Variants in RUVBL1 observed in about 807,000 individuals in gnomAD.
RUVBL1 encodes RuvB like AAA ATPase 1, also known as ruvB-like 1.
In RUVBL1, 4 loss-of-function variants were observed where a neutral mutation model predicts 52.4. The observed-to-expected ratio is 0.08, with a 90% CI of 0.04 to 0.17. The LOEUF (loss-of-function observed/expected upper bound fraction) is 0.17. Ranked by LOEUF, RUVBL1 falls within the 10% of genes least tolerant of loss-of-function variation. RUVBL1 has a pLI of 1.00. For synonymous variants in RUVBL1, 217 were observed against 214.4 expected (o/e 1.01, Z -0.10); for missense variants, 298 against 572.8 (o/e 0.52, Z 4.90).
rs1942475726 is a variant in RUVBL1 at position 128,081,526 on chromosome 3, C to T, written c.1212-117G>A. ...AGCAGAGCCCAGTGCTGGGCTTGTG[C>T]CAGCTGCTACGAACACAGAAAAGGG... On this transcript the variant is annotated intron_variant, in intron 10 of 10. Transcript: ENST00000322623. This position sits in a 1 kb window ranked among gnomAD's most constrained non-coding sequence, Gnocchi z 4.8. The T allele has an allele frequency of 6.7e-6, 7 of 1,042,050 alleles. 1 individual carries two copies. In the Admixed American group the frequency reaches 1.1e-4, roughly 17 times the overall value. The allele number at this position is 1,042,050 out of a possible 1,614,324, so 64.6% of individuals were successfully genotyped here. A position where few individuals can be genotyped will look rare whatever the true frequency, so the allele number is the denominator to read the frequency against.
At position 128,150,795 on chromosome 3, in the gene RUVBL1, ATATTATATAT is replaced by A. The variant is rs1215212011; in HGVS notation, c.-40+2398_-40+2407del. 7.9e-4 allele frequency among the ~76,000 whole-genome samples: 63 copies of A among 79,494 alleles called. 1 individual carries two copies. Among genetic ancestry groups the A allele is most frequent in the African/African-American group, 2.9e-3 (61 of 20,982 alleles). The allele number at this position is 79,494 out of a possible 152,430, so 52.2% of individuals were successfully genotyped here. A position where few individuals can be genotyped will look rare whatever the true frequency, so the allele number is the denominator to read the frequency against. On this transcript the variant is annotated intron_variant, in intron 1 of 9. Coordinates refer to the RUVBL1 transcript ENST00000464873. ...ATTATATATTCTATATATATTCTATATATTATATATTCTATATATTATATATTCTATATAT... is the reference window on the plus strand; with the variant it reads ...ATTATATATTCTATATATATTCTATATCTATATATTATATATTCTATATAT...
chr3:128,128,096 GA>G (rs1301788502), upstream of RUVBL1, among the ~76,000 whole-genome samples: 49 of 152,088 alleles, frequency 3.2e-4, 1 homozygote, highest in Non-Finnish European at 1.5e-5. Context: ...GGCTTCAAGT[GA>G]TCCTCCCATC....
At chr3:128,079,793 G>A (rs904361324), downstream of RUVBL1, among the ~76,000 whole-genome samples, 6 of 152,214 alleles carry the variant, frequency 3.9e-5, no homozygotes, top group East Asian at 9.6e-4. Flanking sequence ...CATGACTACA[G>A]GGGACTGTCC....
At chr3:128,147,104 C>T (rs577201136) in intron 1 of RUVBL1, among the ~76,000 whole-genome samples, 3 of 152,316 alleles carry the variant, frequency 2.0e-5, no homozygotes, top group African/African-American at 7.2e-5. Flanking sequence ...CAAGGTTTTG[C>T]TCTGTTGCCC....
intron 8 of RUVBL1, among the ~76,000 whole-genome samples, chr3:128,090,467 C>T (rs972473043): frequency 1.3e-5 from 2 of 152,110 alleles, no homozygotes; most frequent in South Asian, 4.1e-4. Context: ...TGCAGTGTAC[C>T]GAGATCGTGT....
chr3:128,153,486 T>A (rs1432556847), exon 1 of RUVBL1: 2 of 1,460,558 alleles, frequency 1.4e-6, no homozygotes, highest in Admixed American at 4.8e-5. Flanking sequence ...GCCGGGCGGG[T>A]GTCCGAGGCG....
At chr3:128,131,356 G>A (rs1258598557) in intron 1 of RUVBL1, among the ~76,000 whole-genome samples, 1 of 152,144 alleles carries the variant, frequency 6.6e-6, no homozygotes, top group Non-Finnish European at 1.5e-5. Flanking sequence ...GCATGTGCCT[G>A]TAATCCCAGT....
intron 3 of RUVBL1, among the ~76,000 whole-genome samples, chr3:128,108,696 A>G (rs906980458): frequency 2.6e-4 from 38 of 144,440 alleles, no homozygotes; most frequent in African/African-American, 9.1e-4. Context: ...ACCTTGTCTC[A>G]ATTAAAAAAA....
At chr3:128,072,636 A>G (rs1324259454) in intron 9 of RUVBL1, among the ~76,000 whole-genome samples, 1 of 152,196 alleles carries the variant, frequency 6.6e-6, no homozygotes, top group Non-Finnish European at 1.5e-5. Context: ...GGACAGGAGC[A>G]CAGCACGTGG....
At chr3:128,077,103 G>A (rs1314160586), downstream of RUVBL1, among the ~76,000 whole-genome samples, 3 of 151,824 alleles carry the variant, frequency 2.0e-5, no homozygotes, top group Non-Finnish European at 2.9e-5. Flanking sequence ...GTCAGCGCGG[G>A]CCGGGCCGGC....
rs6807984 is a variant in RUVBL1, at chr3:128,075,548, G to A, written c.940-10328C>T. Among the ~76,000 whole-genome samples, 52 of 152,194 alleles carry A rather than the reference G, an allele frequency of 3.4e-4. 1 individual carries two copies. The South Asian group carries it at 0.011, about 32-fold the overall frequency. The stretch of plus-strand genomic sequence containing the variant: ...TCCCCGCATGCACGGGGGGACACAC[G>A]CCTTCCTCCCTGCCTGCCGGGACTT... On this transcript the variant is annotated intron_variant, in intron 9 of 9. Coordinates refer to the RUVBL1 transcript ENST00000464873.
At chr3:128,153,409 G>C in exon 1 of RUVBL1, 1 of 1,416,340 alleles carries the variant, frequency 7.1e-7, no homozygotes, top group Non-Finnish European at 9.1e-7. Flanking sequence ...TGTGCACAGC[G>C]CGCCGGTTAC....
chr3:128,143,892 AG>A (rs1944066836), intron 1 of RUVBL1, among the ~76,000 whole-genome samples: 1 of 152,176 alleles, frequency 6.6e-6, no homozygotes, highest in Admixed American at 6.5e-5. Flanking sequence ...ACAAAAGAAG[AG>A]GGAGTAGGTG....
Position 128,104,892 on chromosome 3 carries a change from C to T in RUVBL1, c.394G>A (p.Glu132Lys). ...LRIKETKEVY[E>K]GEVTELTPCE... ...GGAGTTAGCTCTGTGACTTCACCTT[C>T]ATAAACTTCCTTGGTCTCCTTTATT... The change falls in exon 4 of 11, where the codon GAA (glutamate) becomes AAA (lysine). Residue 132 changes from glutamate (E) to lysine (K), a missense_variant. Transcript: ENST00000322623. 1 of 1,611,756 alleles carries T rather than the reference C, an allele frequency of 6.2e-7. No homozygotes were observed. Among genetic ancestry groups the T allele is most frequent in the Non-Finnish European group, 8.5e-7 (1 of 1,178,014 alleles).
Position 128,081,417 on chromosome 3 carries a change from G to A in RUVBL1, c.1212-8C>T, listed in dbSNP as rs763641171. 3 of 1,610,228 alleles carry A rather than the reference G, an allele frequency of 1.9e-6. No individual in the cohort carries two copies. The highest frequency in any genetic ancestry group is 2.5e-6 in the Non-Finnish European group (3 of 1,176,868). ...AGCAGCTGCACTGAGTACCTAGAGTGGACAGGGGCCAGGGCTGGAGTGAAA... is the reference window on the plus strand; with the variant it reads ...AGCAGCTGCACTGAGTACCTAGAGTAGACAGGGGCCAGGGCTGGAGTGAAA... On this transcript the variant is annotated splice_polypyrimidine_tract_variant and splice_region_variant and intron_variant, in intron 10 of 10. Transcript: ENST00000322623. This position sits in a 1 kb window ranked among gnomAD's most constrained non-coding sequence, Gnocchi z 4.8.
chr3:128,065,256 C>T, intron 9 of RUVBL1: 4 of 630,968 alleles, frequency 6.3e-6, no homozygotes, highest in Non-Finnish European at 5.7e-6. Context: ...GCAGTTCTAA[C>T]GTAAGTGAAA....
At chr3:128,119,982 G>C (rs773602825) in intron 1 of RUVBL1, among the ~76,000 whole-genome samples, 1 of 152,176 alleles carries the variant, frequency 6.6e-6, no homozygotes, top group East Asian at 1.9e-4. Context: ...ATAATACAAA[G>C]CCACTGAAAA....
At chr3:128,086,100 G>A (rs1355531819) in intron 9 of RUVBL1, among the ~76,000 whole-genome samples, 4 of 152,078 alleles carry the variant, frequency 2.6e-5, no homozygotes, top group Admixed American at 1.3e-4. Flanking sequence ...GGGCTAAAGC[G>A]ATCCTCTCAC....
intron 3 of RUVBL1, among the ~76,000 whole-genome samples, chr3:128,111,218 T>G (rs1214043468): frequency 2.5e-5 from 1 of 40,002 alleles, no homozygotes; most frequent in African/African-American, 1.5e-4. Context: ...AGACTCTCTC[T>G]CAAAAAAAAA....
Sources: gnomAD v4.1 joint callset for allele counts (sites outside exome capture counted in the v4.1 genomes callset) on GRCh38, gnomAD v4.1.1 for gene constraint, Gnocchi (gnomAD v3.1) non-coding constraint, MANE v1.5 for transcripts, NCBI Gene and HGNC (gene_info 2026-07-23, HGNC 2026-07-21) for gene names.